PLEKHH1: variants seen among roughly 807,000 people sequenced by gnomAD.
PLEKHH1 encodes the protein pleckstrin homology domain-containing family H member 1.
A neutral mutation model predicts 160.0 loss-of-function variants in PLEKHH1; 104 were observed. The observed-to-expected ratio is 0.65, with a 90% confidence interval of 0.55 to 0.76. The LOEUF is 0.76. Ranked by LOEUF, PLEKHH1 falls within the 30% of genes least tolerant of loss-of-function variation. The pLI is 0.00. For missense variants in PLEKHH1, 1,427 were observed against 1,724.1 expected (o/e 0.83, Z 3.05); for synonymous variants, 619 against 678.4 (o/e 0.91, Z 1.36).
Position 67,589,535 on chromosome 14 carries a change from TA to T in PLEKHH1, c.*2302del. On this transcript the variant is annotated 3_prime_UTR_variant, in exon 29 of 29. Coordinates refer to ENST00000329153, the MANE Select transcript of PLEKHH1 (RefSeq NM_020715.3). ...AAAAAGCAGCTATCTGTGAACCAGG[TA>T]ACTGTGTGTTTTGGAAGATCTGTTT... 2.0e-6 allele frequency: 2 copies of T among 985,414 alleles called. No homozygotes were observed. Among genetic ancestry groups the T allele is most frequent in the Non-Finnish European group, 2.4e-6 (2 of 829,894 alleles). 61.0% of individuals were successfully genotyped at this position (985,414 alleles called of 1,614,324 possible).
At chr14:67,567,437 C>G (rs1472382065) in intron 7 of PLEKHH1, among the ~76,000 whole-genome samples, 7 of 152,158 alleles carry the variant, frequency 4.6e-5, no homozygotes, top group Non-Finnish European at 1.0e-4. Flanking sequence ...GTTTCATTTC[C>G]TCTGCAAAGT....
In PLEKHH1 at chr14:67,587,591, C is replaced by T; in HGVS notation, c.*356C>T. ...TGGTACTCTCAAGGAAGCTAATTTT[C>T]TTTCTGGGGGGGGCGGGGGACACAG... is the stretch of plus-strand genomic sequence containing the variant. On this transcript the variant is annotated 3_prime_UTR_variant, in exon 29 of 29. Transcript: ENST00000329153. The T allele has an allele frequency of 3.5e-6, 1 of 281,984 alleles. No individual in the cohort carries two copies. The highest frequency in any genetic ancestry group is 6.9e-6 in the Non-Finnish European group (1 of 145,358). The allele number at this position is 281,984 out of a possible 1,614,324, so 17.5% of individuals were successfully genotyped here.
chr14:67,562,059 T>C (rs1249654565), intron 6 of PLEKHH1, 24 bp downstream of exon 6: 4 of 1,611,290 alleles, frequency 2.5e-6, no homozygotes, highest in Admixed American at 1.7e-5. Flanking sequence ...GGTGTGCAGG[T>C]GTGCAGTACG....
rs541692012 is a variant in PLEKHH1 at position 67,541,553 on chromosome 14, T to C, written c.-34-281T>C. 3.3e-5 allele frequency among the ~76,000 whole-genome samples: 5 copies of C among 152,352 alleles called. 1 individual carries two copies. Among genetic ancestry groups the C allele is most frequent in the African/African-American group, 1.2e-4 (5 of 41,586 alleles). On this transcript the variant is annotated intron_variant, in intron 1 of 28. Coordinates refer to ENST00000329153, the MANE Select transcript of PLEKHH1 (RefSeq NM_020715.3). ...GGATAATTGAAAAACAAATGAGCCC[T>C]ACTTTTCACTTCTGTCCAAATGAGA...
chr14:67,562,304 A>G lies in PLEKHH1; in HGVS notation c.673A>G (p.Ser225Gly). The G allele has an allele frequency of 1.2e-6, 2 of 1,613,962 alleles. No homozygotes were observed. The highest frequency in any genetic ancestry group is 1.7e-6 in the Non-Finnish European group (2 of 1,179,868). ...TGCACCTTCCCCAGGTGCCCTGCAGAGCAAGGACTCTGTTTCTGAAGCAGC... is the reference window on the plus strand; with the variant it reads ...TGCACCTTCCCCAGGTGCCCTGCAGGGCAAGGACTCTGTTTCTGAAGCAGC... ...VLAPSPGALQ[S>G]KDSVSEAASP... Residue 225 changes from serine (S) to glycine (G), a missense_variant, in exon 7 of 29, where the codon AGC becomes GGC. Around this residue, in one of 6 missense-constraint regions of PLEKHH1, gnomAD observed 831 missense variants for 929.2 expected, o/e 0.89. Coordinates refer to ENST00000329153, the MANE Select transcript of PLEKHH1 (RefSeq NM_020715.3).
chr14:67,575,778 C>T (rs1232900575), intron 15 of PLEKHH1, 45 bp from the exon 16 acceptor site: 9 of 1,460,134 alleles, frequency 6.2e-6, no homozygotes, highest in African/African-American at 5.5e-5. Flanking sequence ...GAGACTCCCT[C>T]ATCCCCCACT....
chr14:67,535,284 C>G (rs990539261), intron 1 of PLEKHH1, among the ~76,000 whole-genome samples: 1 of 151,834 alleles, frequency 6.6e-6, no homozygotes, highest in African/African-American at 2.4e-5. Context: ...CACTATATAC[C>G]CTTTTGTTCA....
At chr14:67,586,812 C>CT in intron 28 of PLEKHH1, 2 of 1,441,996 alleles carry the variant, frequency 1.4e-6, no homozygotes, top group Non-Finnish European at 1.8e-6. Context: ...GGTTGTAGAG[C>CT]TAACCAGAGC....
intron 2 of PLEKHH1, among the ~76,000 whole-genome samples, chr14:67,550,238 G>A (rs1406273512): frequency 2.0e-5 from 3 of 151,348 alleles, no homozygotes; most frequent in Non-Finnish European, 4.4e-5. Flanking sequence ...GCCCAAGCTG[G>A]AGTGCAGTGG....
In PLEKHH1 at chr14:67,542,105, C is replaced by A. The variant is rs886437565; in HGVS notation, c.126+112C>A. ...AGTCAACTTTCAGTAAGATGCTTTT[C>A]CCCATATGCAAAATGAAACCCAAGG... On this transcript the variant is annotated intron_variant, in intron 2 of 28. Coordinates refer to ENST00000329153, the MANE Select transcript of PLEKHH1 (RefSeq NM_020715.3). The A allele has an allele frequency of 4.0e-6, 4 of 1,010,450 alleles. No individual in the cohort carries two copies. In the African/African-American group the frequency reaches 6.6e-5, roughly 17 times the overall value. The allele number at this position is 1,010,450 out of a possible 1,614,324, so 62.6% of individuals were successfully genotyped here.
intron 21 of PLEKHH1, 193 bp from the exon 22 acceptor site, chr14:67,579,528 A>G: frequency 1.5e-6 from 1 of 651,886 alleles, no homozygotes; most frequent in Non-Finnish European, 2.6e-6. Context: ...AGGTATGCCC[A>G]GTTCATTTAC....
chr14:67,548,005 A>G (rs1476323120), intron 2 of PLEKHH1, among the ~76,000 whole-genome samples: 2 of 152,120 alleles, frequency 1.3e-5, no homozygotes, highest in African/African-American at 2.4e-5. Context: ...CAGGTTAGCC[A>G]TGGGTTCCCT....
chr14:67,551,671 A>T (rs558866463), intron 2 of PLEKHH1, among the ~76,000 whole-genome samples: 53 of 152,178 alleles, frequency 3.5e-4, no homozygotes, highest in African/African-American at 1.3e-3. Context: ...GGCGAATCAC[A>T]TGAGGCCAGG....
chr14:67,564,809 C>T (rs1338398875), intron 7 of PLEKHH1, among the ~76,000 whole-genome samples: 1 of 151,866 alleles, frequency 6.6e-6, no homozygotes, highest in Non-Finnish European at 1.5e-5. Context: ...CCACCTCAGC[C>T]TCCCGAGTAG....
Position 67,573,311 on chromosome 14 carries a change from G to A in PLEKHH1, c.1764G>A (p.Met588Ile), listed in dbSNP as rs199993972. 597 of 1,613,590 alleles carry A rather than the reference G, an allele frequency of 3.7e-4. No homozygotes were observed. Among genetic ancestry groups the A allele is most frequent in the Non-Finnish European group, 4.9e-4 (575 of 1,179,608 alleles). Residue 588 changes from methionine to isoleucine, a missense_variant, in exon 12 of 29, where the codon ATG becomes ATA. By Grantham distance (10) the Met-to-Ile change is conservative. This residue lies in a region of PLEKHH1 where 831 missense variants were observed against 929.2 expected (regional missense o/e 0.89). Coordinates refer to ENST00000329153, the MANE Select transcript of PLEKHH1 (RefSeq NM_020715.3). This position sits in a 1 kb window ranked among gnomAD's most constrained non-coding sequence, Gnocchi z 4.8. Reference sequence around the variant, plus strand: ...AGAAGTCGGGCTACCTGCTGAAAATGGGGAGCCAGGTGAAGACGTGGAAGA... The same window carrying A: ...AGAAGTCGGGCTACCTGCTGAAAATAGGGAGCCAGGTGAAGACGTGGAAGA... ...SLEKSGYLLK[M>I]GSQVKTWKRR...
chr14:67,542,072 T>A, intron 2 of PLEKHH1, 79 bp downstream of exon 2: 1 of 1,335,142 alleles, frequency 7.5e-7, no homozygotes, highest in Non-Finnish European at 1.0e-6. Context: ...AGAGGGAGAG[T>A]TGCGGAAAGT....
intron 7 of PLEKHH1, among the ~76,000 whole-genome samples, 198 bp downstream of exon 7, chr14:67,563,092 C>T (rs145563988): frequency 0.01 from 1,547 of 152,328 alleles, 32 homozygotes; most frequent in African/African-American, 0.036. Flanking sequence ...ATGTGAATGG[C>T]GGTTGGCTGT....
chr14:67,549,773 A>C (rs1217045522), intron 2 of PLEKHH1, among the ~76,000 whole-genome samples: 3 of 152,218 alleles, frequency 2.0e-5, no homozygotes, highest in African/African-American at 7.2e-5. Context: ...ACTGTTTCTT[A>C]CAGTGTGGTC....
intron 28 of PLEKHH1, chr14:67,586,498 G>A: frequency 1.0e-6 from 1 of 993,574 alleles, no homozygotes; most frequent in Non-Finnish European, 1.4e-6. Context: ...CCCAACATTA[G>A]CTACAAAGTG....
Sources: allele counts gnomAD v4.1 joint callset (sites outside exome capture counted in the v4.1 genomes callset), GRCh38; gene constraint gnomAD v4.1.1; regional missense constraint gnomAD v4.1.1; non-coding constraint Gnocchi (gnomAD v3.1); transcripts MANE v1.5; gene names NCBI Gene and HGNC (gene_info 2026-07-23, HGNC 2026-07-21).